The following RPTOR variants were observed in gnomAD, a reference collection of about 807,000 sequenced individuals.
The protein encoded by RPTOR is regulatory associated protein of MTOR complex 1.
Under a neutral mutation model 169.9 loss-of-function variants are expected in RPTOR, and 21 were observed. The ratio of observed to expected loss-of-function variants is 0.12; its 90% CI spans 0.09 to 0.18. The LOEUF (loss-of-function observed/expected upper bound fraction) is 0.18, where lower values mean the gene tolerates loss of function less well. Ranked by LOEUF, RPTOR falls within the 10% of genes least tolerant of loss-of-function variation. The probability of loss-of-function intolerance (pLI) is 1.00; values close to 1 mark genes in which losing one functional copy is unlikely to be tolerated. For synonymous variants in RPTOR, 732 were observed against 753.2 expected, an observed-to-expected ratio of 0.97 and a Z score of 0.46; for missense variants, 1,133 against 1,855.9, an observed-to-expected ratio of 0.61 and a Z score of 7.16.
chr17:80,596,523 A>T (rs2065145860), intron 1 of RPTOR, among the ~76,000 whole-genome samples: 1 of 152,102 alleles, frequency 6.6e-6, no homozygotes, highest in Non-Finnish European at 1.5e-5. Flanking sequence ...TTATAGGATC[A>T]TATGTAGTGG....
At chr17:80,950,376 T>A (rs1363187247) in intron 28 of RPTOR, among the ~76,000 whole-genome samples, 3 of 152,200 alleles carry the variant, frequency 2.0e-5, no homozygotes, top group Admixed American at 6.5e-5. Flanking sequence ...GCCCTGGTTC[T>A]GCCCTAGGTT....
chr17:80,914,000 C>T (rs142417822), intron 21 of RPTOR, among the ~76,000 whole-genome samples: 1 of 152,390 alleles, frequency 6.6e-6, no homozygotes, highest in Non-Finnish European at 1.5e-5. Context: ...AGAAGCACCG[C>T]TGCAGCCTCT....
At chr17:80,652,186 A>G (rs1428497566) in intron 3 of RPTOR, among the ~76,000 whole-genome samples, 1 of 151,746 alleles carries the variant, frequency 6.6e-6, no homozygotes, top group Non-Finnish European at 1.5e-5. Context: ...AAAAAAAAAA[A>G]GTGTACAACT....
At position 80,845,937 on chromosome 17, in the gene RPTOR, C is replaced by G. The variant is rs1186085538; in HGVS notation, c.1213-536C>G. On this transcript the variant is annotated intron_variant, in intron 10 of 33. Transcript: ENST00000306801. This position sits in a 1 kb window ranked among gnomAD's most constrained non-coding sequence, Gnocchi z 5.4. ...TCCAGACCTTTGAGCTCTGCTTTCC[C>G]TCCACTGCCGGGCCCTCACCGGCCC... Among the ~76,000 whole-genome samples, 1 of 152,220 alleles carries G rather than the reference C, an allele frequency of 6.6e-6. No homozygotes were observed. The highest frequency in any genetic ancestry group is 1.5e-5 in the Non-Finnish European group (1 of 68,044).
chr17:80,589,340 G>T (rs963210189), intron 1 of RPTOR, among the ~76,000 whole-genome samples: 4 of 152,046 alleles, frequency 2.6e-5, no homozygotes, highest in African/African-American at 9.7e-5. Context: ...CTCTCTGTGT[G>T]CCAGCTTCAC....
intron 14 of RPTOR, among the ~76,000 whole-genome samples, chr17:80,882,130 G>A (rs2068192336): frequency 6.6e-6 from 1 of 152,196 alleles, no homozygotes; most frequent in South Asian, 2.1e-4. Context: ...CTGGAGCGCC[G>A]TCCATGAAGC....
chr17:80,704,099 G>A (rs2066124013), intron 3 of RPTOR, among the ~76,000 whole-genome samples: 1 of 152,152 alleles, frequency 6.6e-6, no homozygotes, highest in South Asian at 2.1e-4. Flanking sequence ...CATCTCTCCA[G>A]ACTGAACCCG....
At chr17:80,731,624 C>G (rs931234955) in intron 5 of RPTOR, among the ~76,000 whole-genome samples, 1 of 152,206 alleles carries the variant, frequency 6.6e-6, no homozygotes, top group African/African-American at 2.4e-5. Context: ...AGGCCTCCAT[C>G]TTGTGGCCTG....
At chr17:80,760,281 C>T (rs1179980885) in intron 6 of RPTOR, among the ~76,000 whole-genome samples, 1 of 149,676 alleles carries the variant, frequency 6.7e-6, no homozygotes, top group African/African-American at 2.5e-5. Flanking sequence ...GGCTGTGTTC[C>T]AGTCGAGCTT....
rs757285630 is a variant in RPTOR, at chr17:80,961,411, G to A, written c.3623G>A (p.Arg1208Gln). Residue 1208 changes from arginine (R) to glutamine (Q), a missense_variant, in exon 31 of 34, where the codon CGG becomes CAG. Transcript: ENST00000306801. ...CCCTACAGCCGCGTCATGACGTACC[G>A]GGAGCACACAGCCTGGGTGGTGAAG... is the stretch of plus-strand genomic sequence containing the variant. ...ALSECRVMTYREHTAWVVKAS... is the reference protein window; with the variant it reads ...ALSECRVMTYQEHTAWVVKAS... The A allele has an allele frequency of 6.5e-7, 1 of 1,550,122 alleles. No homozygotes were observed. The highest frequency in any genetic ancestry group is 8.7e-7 in the Non-Finnish European group (1 of 1,147,556).
At chr17:80,777,255 A>G (rs1473425921) in intron 6 of RPTOR, among the ~76,000 whole-genome samples, 1 of 150,984 alleles carries the variant, frequency 6.6e-6, no homozygotes, top group African/African-American at 2.5e-5. Context: ...AAAAGAAAAA[A>G]GAAAGTGAAG....
chr17:80,872,959 T>C (rs2068067534), intron 13 of RPTOR, among the ~76,000 whole-genome samples: 1 of 152,154 alleles, frequency 6.6e-6, no homozygotes, highest in African/African-American at 2.4e-5. Flanking sequence ...ATGGGGAGCC[T>C]GGTCAGCCTA....
intron 6 of RPTOR, among the ~76,000 whole-genome samples, chr17:80,786,287 T>C (rs570880223): frequency 6.6e-6 from 1 of 152,308 alleles, no homozygotes; most frequent in African/African-American, 2.4e-5. Flanking sequence ...CTCAACATGG[T>C]GGGTTTATAC....
At chr17:80,825,937 T>G (rs1598333227) in intron 9 of RPTOR, among the ~76,000 whole-genome samples, 1 of 151,978 alleles carries the variant, frequency 6.6e-6, no homozygotes, top group Non-Finnish European at 1.5e-5. Context: ...CGGAGGCTGG[T>G]GTCATGACAC....
chr17:80,629,713 T>G (rs2065427642), intron 2 of RPTOR, among the ~76,000 whole-genome samples: 1 of 151,712 alleles, frequency 6.6e-6, no homozygotes, highest in South Asian at 2.1e-4. Context: ...GTACCGCAGC[T>G]CTTCCATGTG....
chr17:80,618,456 T>TA (rs1354053973), intron 1 of RPTOR, among the ~76,000 whole-genome samples: 1 of 152,224 alleles, frequency 6.6e-6, no homozygotes, highest in African/African-American at 2.4e-5. Context: ...ACTAAACTCA[T>TA]ACCAAGTCCC....
chr17:80,734,616 C>A lies in RPTOR; in HGVS notation c.654+3910C>A, dbSNP rs565530554. Reference sequence around the variant, plus strand: ...CCACTGGGGACCAGGCATCCTTAGCCGACTGGCTTTATCCTCATGTTTGCA... The same window carrying A: ...CCACTGGGGACCAGGCATCCTTAGCAGACTGGCTTTATCCTCATGTTTGCA... On this transcript the variant is annotated intron_variant, in intron 5 of 33. Coordinates refer to ENST00000306801, the MANE Select transcript of RPTOR (RefSeq NM_020761.3). Among the ~76,000 whole-genome samples the A allele has an allele frequency of 2.6e-5, 4 of 152,292 alleles. No individual in the cohort carries two copies. In the South Asian group the frequency reaches 8.3e-4, roughly 32 times the overall value.
chr17:80,880,707 C>G (rs1419884398), intron 14 of RPTOR, among the ~76,000 whole-genome samples: 2 of 152,228 alleles, frequency 1.3e-5, no homozygotes, highest in East Asian at 3.8e-4. Flanking sequence ...TGTCTCTAAA[C>G]AAGAGCTCAG....
intron 3 of RPTOR, among the ~76,000 whole-genome samples, chr17:80,702,947 A>G (rs1271324917): frequency 1.3e-5 from 2 of 152,172 alleles, no homozygotes; most frequent in Non-Finnish European, 2.9e-5. Context: ...CAGTAATGTA[A>G]TAAGTGAGAT....
Sources: allele counts gnomAD v4.1 joint callset (sites outside exome capture counted in the v4.1 genomes callset), GRCh38; gene constraint gnomAD v4.1.1; non-coding constraint Gnocchi (gnomAD v3.1); transcripts MANE v1.5; gene names NCBI Gene and HGNC (gene_info 2026-07-23, HGNC 2026-07-21).